Variants in AP3B1 observed in about 807,000 individuals in gnomAD.
The protein encoded by AP3B1 is AP-3 complex subunit beta-1.
Under a neutral mutation model 132.5 loss-of-function variants are expected in AP3B1, and 61 were observed. The observed-to-expected ratio is 0.46, with a 90% CI of 0.37 to 0.57. AP3B1 has a LOEUF of 0.57. Among genes scored for constraint, AP3B1 ranks in the 20% least tolerant of loss-of-function variants. AP3B1 has a pLI of 0.00. For synonymous variants in AP3B1, 388 were observed against 438.3 expected (o/e 0.89, Z 1.43); for missense variants, 1,120 against 1,289.4 (o/e 0.87, Z 2.01).
chr5:78,106,669 G>T (rs1250207232), intron 20 of AP3B1, among the ~76,000 whole-genome samples: 1 of 152,144 alleles, frequency 6.6e-6, no homozygotes, highest in Non-Finnish European at 1.5e-5. Flanking sequence ...GTCTATGCAG[G>T]TAATGAAGAG....
In AP3B1 at chr5:78,216,087, C is replaced by T. The variant is rs1745948853; in HGVS notation, c.754G>A (p.Ala252Thr). The T allele has an allele frequency of 6.2e-7, 1 of 1,613,872 alleles. No homozygotes were observed. The highest frequency in any genetic ancestry group is 1.3e-5 in the African/African-American group (1 of 74,916). ...CAAGGGCTGACAAACTGTGTCCGAG[C>T]ATATCGAGTTAGCATGTGGATTATG... is the stretch of plus-strand genomic sequence containing the variant. ...VVIIHMLTRY[A>T]RTQFVSPWKE... The change falls in exon 7 of 27, where the codon GCT (alanine) becomes ACT (threonine). Residue 252 changes from alanine to threonine, a missense_variant. Ala to Thr is a moderately conservative substitution (Grantham distance 58, BLOSUM62 0). Transcript: ENST00000255194.
Position 78,158,459 on chromosome 5 carries a change from C to CA in AP3B1, c.1364-2093dup, listed in dbSNP as rs150157827. On this transcript the variant is annotated intron_variant, in intron 13 of 26. Coordinates refer to ENST00000255194, the MANE Select transcript of AP3B1 (RefSeq NM_003664.5). ...GGTGACAGAGTGAGAAAAGAAAAAA[C>CA]AAAAAAAAACCTAGTATGATTTAAC... Among the ~76,000 whole-genome samples, 59 of 149,102 alleles carry CA rather than the reference C, an allele frequency of 4.0e-4. No individual in the cohort carries two copies. In the South Asian group the frequency reaches 5.1e-3, roughly 13 times the overall value.
Position 78,011,793 on chromosome 5 carries a change from T to C in AP3B1, c.3131+3617A>G, listed in dbSNP as rs200089647. 4.5e-4 allele frequency among the ~76,000 whole-genome samples: 69 copies of C among 152,298 alleles called. 2 individuals are homozygous for C. In the East Asian group the frequency reaches 9.6e-3, roughly 21 times the overall value. Reference sequence around the variant, plus strand: ...CATTTAATGTAAAAATGTATAAAATTTGAAGAGTAGTAGAAATAAAGTATT... The same window carrying C: ...CATTTAATGTAAAAATGTATAAAATCTGAAGAGTAGTAGAAATAAAGTATT... On this transcript the variant is annotated intron_variant, in intron 26 of 26. Transcript: ENST00000255194.
At chr5:78,259,216 C>T (rs1747977064) in intron 2 of AP3B1, among the ~76,000 whole-genome samples, 1 of 150,772 alleles carries the variant, frequency 6.6e-6, no homozygotes, top group Non-Finnish European at 1.5e-5. Context: ...CCACTGCACT[C>T]CAGACTGGTG....
intron 26 of AP3B1, 151 bp downstream of exon 26, chr5:78,015,259 A>G: frequency 1.2e-6 from 1 of 802,256 alleles, no homozygotes; most frequent in East Asian, 2.8e-5. Flanking sequence ...CAAAGCAATC[A>G]ACAACTATAC....
At chr5:78,125,018 TATC>T (rs1435199917) in intron 17 of AP3B1, among the ~76,000 whole-genome samples, 1 of 152,102 alleles carries the variant, frequency 6.6e-6, no homozygotes, top group Non-Finnish European at 1.5e-5. Flanking sequence ...AAGACCACAT[TATC>T]ATTGTAAGGA....
intron 14 of AP3B1, among the ~76,000 whole-genome samples, chr5:78,145,152 T>C (rs1243648655): frequency 6.6e-6 from 1 of 152,204 alleles, no homozygotes; most frequent in Non-Finnish European, 1.5e-5. Context: ...AAATGTAAAA[T>C]ACATTTAAAC....
chr5:78,163,778 G>A (rs1398042110), intron 12 of AP3B1, among the ~76,000 whole-genome samples: 1 of 151,374 alleles, frequency 6.6e-6, no homozygotes, highest in Non-Finnish European at 1.5e-5. Context: ...ATTTCACTTT[G>A]CTTAGAACCT....
chr5:78,261,031 T>C (rs1748068047), intron 2 of AP3B1, among the ~76,000 whole-genome samples: 1 of 152,258 alleles, frequency 6.6e-6, no homozygotes, highest in African/African-American at 2.4e-5. Flanking sequence ...CATGGGTTGT[T>C]TCCACCTATT....
At chr5:78,116,294 C>T in intron 17 of AP3B1, 60 bp from the exon 18 acceptor site, 1 of 1,412,164 alleles carries the variant, frequency 7.1e-7, no homozygotes, top group Non-Finnish European at 1.0e-6. Flanking sequence ...AGAGTTCTGG[C>T]AAACTTAATC....
intron 7 of AP3B1, among the ~76,000 whole-genome samples, chr5:78,193,752 A>ATCTATATATC (rs1561469514): frequency 1.7e-5 from 2 of 118,628 alleles, no homozygotes; most frequent in South Asian, 2.6e-4. Context: ...TTTTATATAT[A>ATCTATATATC]TATATATATA....
chr5:78,046,841 T>C (rs142064041), intron 22 of AP3B1, among the ~76,000 whole-genome samples: 4,032 of 152,286 alleles, frequency 0.026, 163 homozygotes, highest in East Asian at 0.14. Flanking sequence ...CTCCTAATGC[T>C]AGCCCTCCCC....
chr5:78,189,069 T>C (rs1488383868), intron 7 of AP3B1, among the ~76,000 whole-genome samples: 1 of 152,142 alleles, frequency 6.6e-6, no homozygotes, highest in Admixed American at 6.5e-5. Flanking sequence ...TACTGGGGCC[T>C]GTCAGGGCAG....
intron 7 of AP3B1, among the ~76,000 whole-genome samples, chr5:78,198,028 G>A (rs1201635487): frequency 6.6e-6 from 1 of 152,198 alleles, no homozygotes; most frequent in African/African-American, 2.4e-5. Flanking sequence ...AATAGTCACA[G>A]AGATTAAAAA....
rs1420844804 is a variant in AP3B1 at position 78,162,850 on chromosome 5, A to G, written c.1332T>C (p.Asn444=). The G allele has an allele frequency of 6.2e-7, 1 of 1,614,078 alleles. No homozygotes were observed. The highest frequency in any genetic ancestry group is 2.2e-5 in the East Asian group (1 of 44,876). Residue 444 remains asparagine (N), a synonymous_variant, in exon 13 of 27, where the codon AAT becomes AAC. Transcript: ENST00000255194. ...NILEVTDTCL[N]GLVCLLSNRD... The stretch of plus-strand genomic sequence containing the variant: ...TGTTGGACAGCAGACAGACCAAGCC[A>G]TTGAGGCACGTGTCAGTGACTTCCA...
chr5:78,248,492 C>CAAAAAA (rs34983157), intron 2 of AP3B1, among the ~76,000 whole-genome samples: 23 of 71,360 alleles, frequency 3.2e-4, no homozygotes, highest in South Asian at 2.1e-3. Flanking sequence ...GACTCTGTCT[C>CAAAAAA]AAAAAAAAAA....
intron 7 of AP3B1, among the ~76,000 whole-genome samples, chr5:78,198,210 G>C (rs936305725): frequency 6.6e-6 from 1 of 152,154 alleles, no homozygotes; most frequent in African/African-American, 2.4e-5. Flanking sequence ...ATTTACACCA[G>C]GATGAAACAA....
At chr5:78,175,289 C>T (rs62362920) in intron 11 of AP3B1, among the ~76,000 whole-genome samples, 8,752 of 152,236 alleles carry the variant, frequency 0.057, 375 homozygotes, top group Non-Finnish European at 0.086. Flanking sequence ...AGAAATCACC[C>T]ATCTTCTGTG....
chr5:78,103,997 A>C (rs1751231937), intron 20 of AP3B1, among the ~76,000 whole-genome samples: 1 of 152,158 alleles, frequency 6.6e-6, no homozygotes, highest in Non-Finnish European at 1.5e-5. Flanking sequence ...CTGACATGAC[A>C]AGCATCAAAT....
Sources: gnomAD v4.1 joint callset for allele counts (sites outside exome capture counted in the v4.1 genomes callset) on GRCh38, gnomAD v4.1.1 for gene constraint, MANE v1.5 for transcripts, NCBI Gene and HGNC (gene_info 2026-07-23, HGNC 2026-07-21) for gene names.